Variants in MAGI2 observed in about 807,000 individuals in gnomAD.
MAGI2 encodes the protein membrane associated guanylate kinase, WW and PDZ domain containing 2.
A neutral mutation model predicts 133.3 loss-of-function variants in MAGI2; 35 were observed. The ratio of observed to expected loss-of-function variants is 0.26; its 90% CI spans 0.20 to 0.35. MAGI2 has a LOEUF of 0.35. Among genes scored for constraint, MAGI2 ranks in the 10% least tolerant of loss-of-function variants. The pLI is 1.00. For synonymous variants in MAGI2, 729 were observed against 710.6 expected (o/e 1.03, Z -0.41); for missense variants, 1,636 against 1,863.4 (o/e 0.88, Z 2.25).
At chr7:79,421,148 T>C (rs1261350874) in intron 1 of MAGI2, among the ~76,000 whole-genome samples, 1 of 152,006 alleles carries the variant, frequency 6.6e-6, no homozygotes, top group Non-Finnish European at 1.5e-5. Context: ...AATGTCACAA[T>C]GCTATTACAA....
chr7:78,687,245 C>T (rs1457987318), intron 2 of MAGI2, among the ~76,000 whole-genome samples: 4 of 152,152 alleles, frequency 2.6e-5, no homozygotes, highest in Admixed American at 2.6e-4. Context: ...ATTATACGAT[C>T]AGGAGTATAT....
intron 1 of MAGI2, among the ~76,000 whole-genome samples, chr7:79,221,462 A>G (rs1484273678): frequency 6.6e-6 from 1 of 151,968 alleles, no homozygotes; most frequent in Non-Finnish European, 1.5e-5. Context: ...ACAGCTGTAT[A>G]TTTTGTGTAG....
chr7:79,030,082 C>A (rs1184665506), intron 1 of MAGI2, among the ~76,000 whole-genome samples: 1 of 152,140 alleles, frequency 6.6e-6, no homozygotes, highest in Non-Finnish European at 1.5e-5. Flanking sequence ...GGTACTGGGC[C>A]CAAGACCTTG....
intron 2 of MAGI2, among the ~76,000 whole-genome samples, chr7:78,705,260 G>A (rs1044236704): frequency 1.1e-4 from 16 of 151,996 alleles, no homozygotes; most frequent in African/African-American, 3.9e-4. Flanking sequence ...AGATCTGATG[G>A]TTTATAAGGG....
At chr7:79,138,253 G>A (rs914317823) in intron 1 of MAGI2, among the ~76,000 whole-genome samples, 3 of 152,182 alleles carry the variant, frequency 2.0e-5, no homozygotes, top group African/African-American at 7.2e-5. Context: ...ATACAGACCA[G>A]GCTCAAGAAC....
intron 1 of MAGI2, among the ~76,000 whole-genome samples, chr7:79,057,225 T>C (rs1234844058): frequency 3.3e-5 from 5 of 152,184 alleles, no homozygotes; most frequent in Non-Finnish European, 7.4e-5. Context: ...AGAGATGACA[T>C]GGCTCAACCT....
intron 2 of MAGI2, among the ~76,000 whole-genome samples, chr7:79,002,718 C>T (rs1239113805): frequency 1.3e-5 from 2 of 151,874 alleles, no homozygotes; most frequent in Admixed American, 6.6e-5. Flanking sequence ...CATTGAGAAA[C>T]TGCACAATTG....
intron 1 of MAGI2, among the ~76,000 whole-genome samples, chr7:79,059,500 A>C (rs1052156753): frequency 6.6e-6 from 1 of 152,120 alleles, no homozygotes; most frequent in African/African-American, 2.4e-5. Flanking sequence ...CATTCAGTTT[A>C]ATTGCTATGA....
chr7:78,996,252 G>A (rs1353176808), intron 2 of MAGI2, among the ~76,000 whole-genome samples: 1 of 152,104 alleles, frequency 6.6e-6, no homozygotes, highest in African/African-American at 2.4e-5. Context: ...GATAAGAAGA[G>A]CTGAGGTAAT....
intron 1 of MAGI2, among the ~76,000 whole-genome samples, chr7:79,344,937 T>G (rs17152303): frequency 0.31 from 46,924 of 151,866 alleles, 7,538 homozygotes; most frequent in Admixed American, 0.38. Flanking sequence ...GATGAAAACT[T>G]CCCTGTCTTT....
chr7:78,771,581 T>G (rs994752476), intron 2 of MAGI2, among the ~76,000 whole-genome samples: 1 of 152,224 alleles, frequency 6.6e-6, no homozygotes, highest in Non-Finnish European at 1.5e-5. Context: ...ATAACAAGGC[T>G]GTATCCTTTC....
chr7:78,143,088 C>A (rs1218761458), intron 16 of MAGI2, among the ~76,000 whole-genome samples: 1 of 152,162 alleles, frequency 6.6e-6, no homozygotes, highest in Non-Finnish European at 1.5e-5. Flanking sequence ...ATAAAACCAG[C>A]AACTCAGGAC....
At chr7:78,879,001 A>G (rs760539545) in intron 2 of MAGI2, among the ~76,000 whole-genome samples, 10 of 152,128 alleles carry the variant, frequency 6.6e-5, no homozygotes, top group Non-Finnish European at 1.2e-4. Context: ...TAGGGCCCCT[A>G]TGCTTCATGC....
chr7:78,307,139 T>A (rs543780493), intron 9 of MAGI2, among the ~76,000 whole-genome samples: 1 of 152,180 alleles, frequency 6.6e-6, no homozygotes, highest in Non-Finnish European at 1.5e-5. Flanking sequence ...CATAAATTCG[T>A]CTTTGTCAGT....
chr7:78,848,498 C>G (rs1350059473), intron 2 of MAGI2, among the ~76,000 whole-genome samples: 4 of 152,004 alleles, frequency 2.6e-5, no homozygotes, highest in African/African-American at 9.7e-5. Context: ...TAAATTAGAT[C>G]ATGTTGTTCT....
At chr7:79,441,113 T>C (rs1197440608) in intron 1 of MAGI2, among the ~76,000 whole-genome samples, 1 of 152,250 alleles carries the variant, frequency 6.6e-6, no homozygotes, top group African/African-American at 2.4e-5. Flanking sequence ...TTACCTTGCT[T>C]GATTTAGTCT....
intron 1 of MAGI2, among the ~76,000 whole-genome samples, chr7:79,256,510 G>A (rs1272604994): frequency 3.9e-4 from 11 of 27,982 alleles, no homozygotes; most frequent in African/African-American, 1.4e-3. Context: ...TTTTTTTTTT[G>A]ACAGAGTCTT....
chr7:78,739,758 T>C (rs552071988), intron 2 of MAGI2, among the ~76,000 whole-genome samples: 50 of 152,270 alleles, frequency 3.3e-4, no homozygotes, highest in African/African-American at 9.6e-4. Flanking sequence ...AAATGGTTTG[T>C]TTTTAATAGG....
intron 2 of MAGI2, among the ~76,000 whole-genome samples, chr7:78,789,917 G>T (rs1454628425): frequency 1.3e-5 from 2 of 152,078 alleles, no homozygotes; most frequent in Non-Finnish European, 2.9e-5. Context: ...ATAGTTATAA[G>T]TAGGTTCCAT....
Sources: gnomAD v4.1 joint callset for allele counts (sites outside exome capture counted in the v4.1 genomes callset) on GRCh38, gnomAD v4.1.1 for gene constraint, MANE v1.5 for transcripts, NCBI Gene and HGNC (gene_info 2026-07-23, HGNC 2026-07-21) for gene names.